The following CNTN5 variants were observed in gnomAD, a reference collection of about 807,000 sequenced individuals.
CNTN5 encodes contactin 5, also known as contactin-5.
CNTN5 carries 77 observed loss-of-function variants against 129.1 expected under a neutral mutation model. That is an observed-to-expected ratio of 0.60 (90% CI 0.50 to 0.72). The LOEUF (loss-of-function observed/expected upper bound fraction) is 0.72, where lower values mean the gene tolerates loss of function less well. Among genes scored for constraint, CNTN5 ranks in the 30% least tolerant of loss-of-function variants. CNTN5 has a pLI of 0.00. For missense variants in CNTN5, 1,478 were observed against 1,328.8 expected, an observed-to-expected ratio of 1.11 and a Z score of -1.75; for synonymous variants, 509 against 465.6, an observed-to-expected ratio of 1.09 and a Z score of -1.20.
intron 9 of CNTN5, among the ~76,000 whole-genome samples, chr11:100,031,358 T>G (rs1043544453): frequency 1.3e-5 from 2 of 152,106 alleles, no homozygotes; most frequent in African/African-American, 4.8e-5. Flanking sequence ...AGCCTATGAG[T>G]GGACGTGCAG....
chr11:99,068,089 C>G (rs1239089438), intron 1 of CNTN5, among the ~76,000 whole-genome samples: 1 of 152,124 alleles, frequency 6.6e-6, no homozygotes, highest in African/African-American at 2.4e-5. Flanking sequence ...TTTAAACTTC[C>G]TGTGGCTTCC....
chr11:99,565,430 A>G (rs999728227), intron 3 of CNTN5, among the ~76,000 whole-genome samples: 2 of 152,204 alleles, frequency 1.3e-5, no homozygotes, highest in Non-Finnish European at 2.9e-5. Flanking sequence ...CTGAGGGTAC[A>G]GTCAAGAGAT....
At chr11:99,569,344 C>T (rs374140994) in intron 3 of CNTN5, among the ~76,000 whole-genome samples, 8 of 151,940 alleles carry the variant, frequency 5.3e-5, no homozygotes, top group South Asian at 2.1e-4. Context: ...GGCAGAGTCT[C>T]GCTCTGGCGC....
chr11:100,299,642 G>A (rs1951175650), intron 20 of CNTN5, among the ~76,000 whole-genome samples: 1 of 151,218 alleles, frequency 6.6e-6, no homozygotes, highest in Non-Finnish European at 1.5e-5. Flanking sequence ...ATATATCCAT[G>A]AAAACAACAA....
chr11:99,912,555 T>G (rs1836003857), intron 6 of CNTN5, among the ~76,000 whole-genome samples: 1 of 152,008 alleles, frequency 6.6e-6, no homozygotes, highest in Non-Finnish European at 1.5e-5. Flanking sequence ...TCATTTTACA[T>G]CTGATCAATA....
chr11:99,408,476 A>AAGAAAGAAAGAAAGAAAGAAAG (rs1565558063), intron 2 of CNTN5, among the ~76,000 whole-genome samples: 16 of 135,562 alleles, frequency 1.2e-4, no homozygotes, highest in African/African-American at 3.9e-4. Context: ...GAAAGAAAGA[A>AAGAAAGAAAGAAAGAAAGAAAG]AGAAAGAAAG....
chr11:99,059,679 GTCTC>G (rs1864794067), intron 1 of CNTN5, among the ~76,000 whole-genome samples: 1 of 151,922 alleles, frequency 6.6e-6, no homozygotes, highest in Non-Finnish European at 1.5e-5. Context: ...TGAGTTTCCA[GTCTC>G]TCTATTAATA....
intron 2 of CNTN5, among the ~76,000 whole-genome samples, chr11:99,359,186 C>A (rs1005851304): frequency 1.3e-5 from 2 of 151,608 alleles, no homozygotes; most frequent in African/African-American, 4.8e-5. Flanking sequence ...TTGAAATAAA[C>A]AAATATTGAT....
chr11:99,106,612 A>G (rs1042932812), intron 1 of CNTN5, among the ~76,000 whole-genome samples: 2 of 152,094 alleles, frequency 1.3e-5, no homozygotes, highest in African/African-American at 4.8e-5. Flanking sequence ...ACAGACATAT[A>G]TGTGTATATG....
chr11:100,143,517 A>G (rs1366873402), intron 13 of CNTN5, among the ~76,000 whole-genome samples: 1 of 151,796 alleles, frequency 6.6e-6, no homozygotes. Flanking sequence ...GATTTTAAAG[A>G]CTCCACCTGT....
At chr11:100,144,867 T>C (rs1946800601) in intron 13 of CNTN5, among the ~76,000 whole-genome samples, 1 of 151,952 alleles carries the variant, frequency 6.6e-6, no homozygotes, top group Admixed American at 6.6e-5. Flanking sequence ...AGTGTGCTAG[T>C]TTCCTTCCTT....
intron 1 of CNTN5, among the ~76,000 whole-genome samples, chr11:99,286,693 T>A (rs1863953710): frequency 6.6e-6 from 1 of 152,128 alleles, no homozygotes. Context: ...TTCCTGGAGC[T>A]AAATGGAATA....
At chr11:99,836,772 A>G (rs1047293298) in intron 4 of CNTN5, among the ~76,000 whole-genome samples, 24 of 152,246 alleles carry the variant, frequency 1.6e-4, no homozygotes, top group South Asian at 6.2e-4. Flanking sequence ...GTGTAAAAGC[A>G]TTCCTATTTC....
chr11:99,695,750 G>A lies in CNTN5; in HGVS notation c.56-123794G>A, dbSNP rs1034563550. 3.3e-5 allele frequency among the ~76,000 whole-genome samples: 5 copies of A among 151,560 alleles called. No homozygotes were observed. In the South Asian group the frequency reaches 8.3e-4, roughly 25 times the overall value. On this transcript the variant is annotated intron_variant, in intron 3 of 24. Transcript: ENST00000524871. ...ACAAATAAATAAATAGAAAGAAAGCGAAAAAATAAAACTCTGTAAAAGCTG... is the reference window on the plus strand; with the variant it reads ...ACAAATAAATAAATAGAAAGAAAGCAAAAAAATAAAACTCTGTAAAAGCTG...
chr11:99,999,313 A>G (rs1212264884), intron 8 of CNTN5, among the ~76,000 whole-genome samples: 3 of 152,202 alleles, frequency 2.0e-5, no homozygotes, highest in Non-Finnish European at 4.4e-5. Context: ...TTTACAAGAA[A>G]AAAACAAAGA....
At chr11:99,153,524 T>A (rs1020632229) in intron 1 of CNTN5, among the ~76,000 whole-genome samples, 7 of 151,858 alleles carry the variant, frequency 4.6e-5, no homozygotes, top group Non-Finnish European at 1.0e-4. Flanking sequence ...CCATTTTGTC[T>A]TTCAGCTCCT....
At chr11:99,582,517 G>T (rs1949643133) in intron 3 of CNTN5, among the ~76,000 whole-genome samples, 1 of 152,152 alleles carries the variant, frequency 6.6e-6, no homozygotes, top group Admixed American at 6.5e-5. Context: ...TGGAGGCTTT[G>T]TTCATTTCTT....
chr11:99,444,446 A>G (rs898550270), intron 2 of CNTN5, among the ~76,000 whole-genome samples: 3 of 152,192 alleles, frequency 2.0e-5, no homozygotes, highest in Non-Finnish European at 4.4e-5. Context: ...TGAAGAGCTA[A>G]AATGCCCAAT....
chr11:100,236,611 C>T (rs1004169491), intron 16 of CNTN5, among the ~76,000 whole-genome samples: 1 of 152,138 alleles, frequency 6.6e-6, no homozygotes, highest in African/African-American at 2.4e-5. Flanking sequence ...GGCTTTAATG[C>T]CACAGCCAAT....
Sources: allele counts gnomAD v4.1 joint callset (sites outside exome capture counted in the v4.1 genomes callset), GRCh38; gene constraint gnomAD v4.1.1; transcripts MANE v1.5; gene names NCBI Gene and HGNC (gene_info 2026-07-23, HGNC 2026-07-21).